The following RGS7BP variants were observed in gnomAD, a reference collection of about 807,000 sequenced individuals.
RGS7BP encodes regulator of G protein signaling 7-binding protein.
In RGS7BP, 9 loss-of-function variants were observed where a neutral mutation model predicts 31.3. The ratio of observed to expected loss-of-function variants is 0.29; its 90% CI spans 0.17 to 0.50. RGS7BP has a LOEUF of 0.50. Ranked by LOEUF, RGS7BP falls within the 20% of genes least tolerant of loss-of-function variation. The pLI is 0.98. For synonymous variants in RGS7BP, 115 were observed against 120.1 expected (o/e 0.96, Z 0.28); for missense variants, 274 against 322.0 (o/e 0.85, Z 1.14).
At chr5:64,580,603 A>G (rs938880547) in intron 3 of RGS7BP, among the ~76,000 whole-genome samples, 4 of 151,102 alleles carry the variant, frequency 2.6e-5, no homozygotes, top group African/African-American at 9.7e-5. Flanking sequence ...ATATAAATAT[A>G]AATATATTTA....
intron 2 of RGS7BP, among the ~76,000 whole-genome samples, chr5:64,519,612 A>T (rs1749059812): frequency 6.6e-6 from 1 of 152,194 alleles, no homozygotes; most frequent in South Asian, 2.1e-4. Flanking sequence ...TGCCATAGGT[A>T]AGCCTCAGGA....
chr5:64,595,001 C>A (rs2111959527), intron 4 of RGS7BP, 144 bp downstream of exon 4: 2 of 827,378 alleles, frequency 2.4e-6, no homozygotes, highest in Middle Eastern at 3.7e-4. Flanking sequence ...CTGTCAGGGA[C>A]CCTGGAGACT....
intron 2 of RGS7BP, among the ~76,000 whole-genome samples, chr5:64,568,614 ACCGC>A (rs1742225908): frequency 6.6e-6 from 1 of 151,976 alleles, no homozygotes; most frequent in Non-Finnish European, 1.5e-5. Flanking sequence ...AAATGCCTAG[ACCGC>A]CCCTTCAGAA....
intron 2 of RGS7BP, among the ~76,000 whole-genome samples, chr5:64,535,879 T>C (rs1326891938): frequency 6.6e-6 from 1 of 152,186 alleles, no homozygotes; most frequent in African/African-American, 2.4e-5. Context: ...ATCTACTTTA[T>C]TGGAAGAAAG....
intron 2 of RGS7BP, among the ~76,000 whole-genome samples, chr5:64,531,972 T>TC (rs769680248): frequency 4.6e-5 from 7 of 152,286 alleles, no homozygotes; most frequent in East Asian, 1.9e-4. Context: ...AGTTTTTTTT[T>TC]CCCCCTCTCT....
At chr5:64,587,425 A>G (rs1413828117) in intron 3 of RGS7BP, among the ~76,000 whole-genome samples, 1 of 152,180 alleles carries the variant, frequency 6.6e-6, no homozygotes, top group African/African-American at 2.4e-5. Flanking sequence ...TTCTGTGAAA[A>G]TGAGGTCAAT....
intron 2 of RGS7BP, among the ~76,000 whole-genome samples, chr5:64,534,420 C>T (rs1226756769): frequency 6.6e-6 from 1 of 152,182 alleles, no homozygotes; most frequent in Non-Finnish European, 1.5e-5. Flanking sequence ...TAAGAAAAGA[C>T]TGTACAGGGC....
At chr5:64,570,706 A>G (rs1337771034) in intron 2 of RGS7BP, among the ~76,000 whole-genome samples, 2 of 152,146 alleles carry the variant, frequency 1.3e-5, no homozygotes, top group East Asian at 3.9e-4. Flanking sequence ...GGTTTTGATT[A>G]ATTTATCCCA....
intron 5 of RGS7BP, among the ~76,000 whole-genome samples, chr5:64,606,173 A>G (rs961895857): frequency 6.6e-6 from 1 of 151,730 alleles, no homozygotes; most frequent in Non-Finnish European, 1.5e-5. Context: ...TGAACCTTGA[A>G]ACAAATTTCA....
At chr5:64,521,714 A>G (rs1297892134) in intron 2 of RGS7BP, among the ~76,000 whole-genome samples, 1 of 152,222 alleles carries the variant, frequency 6.6e-6, no homozygotes, top group African/African-American at 2.4e-5. Context: ...TTGCTGAGGT[A>G]GGAAAAGTTT....
At chr5:64,595,189 C>T (rs537468840) in intron 4 of RGS7BP, among the ~76,000 whole-genome samples, 10 of 152,280 alleles carry the variant, frequency 6.6e-5, no homozygotes, top group African/African-American at 1.9e-4. Context: ...GGGAAAAAGT[C>T]TACATGCTGT....
intron 2 of RGS7BP, among the ~76,000 whole-genome samples, chr5:64,542,265 C>T (rs1741546334): frequency 6.6e-6 from 1 of 152,184 alleles, no homozygotes; most frequent in Admixed American, 6.5e-5. Context: ...CCTGAGTCTA[C>T]CAGATGCAGC....
chr5:64,537,370 C>T (rs13187290), intron 2 of RGS7BP, among the ~76,000 whole-genome samples: 12,746 of 152,120 alleles, frequency 0.084, 682 homozygotes, highest in African/African-American at 0.14. Context: ...CCCTTGTCCG[C>T]GGGTTACAAG....
intron 3 of RGS7BP, among the ~76,000 whole-genome samples, chr5:64,581,107 G>A (rs371127808): frequency 3.3e-5 from 5 of 152,070 alleles, no homozygotes; most frequent in African/African-American, 1.2e-4. Flanking sequence ...CCAGCTACTT[G>A]GGAGGCTGAG....
At chr5:64,605,860 G>A (rs1743336955) in intron 5 of RGS7BP, among the ~76,000 whole-genome samples, 1 of 149,298 alleles carries the variant, frequency 6.7e-6, no homozygotes, top group African/African-American at 2.5e-5. Context: ...TGTATATGTG[G>A]GTATGTATGT....
At chr5:64,517,614 C>T (rs1580388316) in intron 2 of RGS7BP, among the ~76,000 whole-genome samples, 1 of 152,218 alleles carries the variant, frequency 6.6e-6, no homozygotes, top group Admixed American at 6.5e-5. Context: ...ATGTCAAGGT[C>T]TTACCTGCAC....
intron 2 of RGS7BP, among the ~76,000 whole-genome samples, chr5:64,545,186 A>T (rs1205937567): frequency 6.6e-6 from 1 of 151,862 alleles, no homozygotes; most frequent in Non-Finnish European, 1.5e-5. Flanking sequence ...TGAAAAAAAA[A>T]AAAAACTCAT....
intron 2 of RGS7BP, among the ~76,000 whole-genome samples, chr5:64,572,705 C>A (rs902322779): frequency 3.3e-5 from 5 of 151,948 alleles, no homozygotes; most frequent in African/African-American, 1.2e-4. Context: ...GTTCTTCTTG[C>A]AACAAGTTTG....
intron 2 of RGS7BP, among the ~76,000 whole-genome samples, chr5:64,553,092 A>C (rs190087066): frequency 6.7e-6 from 1 of 149,966 alleles, no homozygotes; most frequent in Admixed American, 6.6e-5. Flanking sequence ...CCTGCCTTTT[A>C]TTTTTGGAGC....
Sources: allele counts gnomAD v4.1 joint callset (sites outside exome capture counted in the v4.1 genomes callset), GRCh38; gene constraint gnomAD v4.1.1; transcripts MANE v1.5; gene names NCBI Gene and HGNC (gene_info 2026-07-23, HGNC 2026-07-21).